TCF7L2: variants seen among roughly 807,000 people sequenced by gnomAD.
The protein encoded by TCF7L2 is transcription factor 7-like 2.
A neutral mutation model predicts 77.9 loss-of-function variants in TCF7L2; 23 were observed. The observed-to-expected ratio is 0.30, with a 90% CI of 0.21 to 0.42. The LOEUF (loss-of-function observed/expected upper bound fraction) is 0.42, where lower values mean the gene tolerates loss of function less well. Ranked by LOEUF, TCF7L2 falls within the 10% of genes least tolerant of loss-of-function variation. TCF7L2 has a pLI of 1.00. For synonymous variants in TCF7L2, 413 were observed against 340.2 expected (o/e 1.21, Z -2.36); for missense variants, 654 against 793.1 (o/e 0.82, Z 2.11).
intron 8 of TCF7L2, among the ~76,000 whole-genome samples, chr10:113,147,937 A>G (rs1045224620): frequency 6.6e-6 from 1 of 152,192 alleles, no homozygotes; most frequent in African/African-American, 2.4e-5. Flanking sequence ...CCGACTCCCC[A>G]GGTAGGCCAA....
chr10:113,052,373 C>G (rs143448004), intron 5 of TCF7L2, among the ~76,000 whole-genome samples: 1 of 152,292 alleles, frequency 6.6e-6, no homozygotes, highest in East Asian at 1.9e-4. Flanking sequence ...AGAGGTGTCA[C>G]AGCTGTCATT....
intron 5 of TCF7L2, among the ~76,000 whole-genome samples, chr10:113,116,172 A>C (rs999464839): frequency 6.6e-6 from 1 of 152,170 alleles, no homozygotes; most frequent in Non-Finnish European, 1.5e-5. Context: ...ATGAAAAATT[A>C]AATTTATCAT....
At chr10:113,008,397 G>A (rs929894502) in intron 4 of TCF7L2, among the ~76,000 whole-genome samples, 9 of 152,142 alleles carry the variant, frequency 5.9e-5, no homozygotes, top group African/African-American at 4.8e-5. Flanking sequence ...TCTGCGTAGC[G>A]GCACTCAGCG....
In TCF7L2 at chr10:113,151,364, T is replaced by C. The variant is rs988537989; in HGVS notation, c.1001+241T>C. Among the ~76,000 whole-genome samples the C allele has an allele frequency of 2.3e-4, 35 of 152,108 alleles. No homozygotes were observed. The highest frequency in any genetic ancestry group is 5.0e-4 in the Non-Finnish European group (34 of 68,032). ...TTTTTGTGTGTGTACTTGGATACAC[T>C]GGGATTTGCAACCACTTCCCTGCCC... On this transcript the variant is annotated intron_variant, in intron 9 of 13. Coordinates refer to ENST00000627217, the MANE Select transcript of TCF7L2 (RefSeq NM_001146274.2). The surrounding 1 kb of genome is among the most constrained non-coding windows in gnomAD (Gnocchi z 5.2).
intron 5 of TCF7L2, among the ~76,000 whole-genome samples, chr10:113,066,599 T>G (rs1218653653): frequency 6.6e-6 from 1 of 152,206 alleles, no homozygotes; most frequent in Non-Finnish European, 1.5e-5. Flanking sequence ...TGTTAAAAGC[T>G]TCCAAACCCA....
chr10:113,113,033 G>A (rs982993000), intron 5 of TCF7L2, among the ~76,000 whole-genome samples: 4 of 152,102 alleles, frequency 2.6e-5, no homozygotes, highest in Admixed American at 6.5e-5. Flanking sequence ...GAGAGTCACC[G>A]TTATCTGAAA....
intron 4 of TCF7L2, among the ~76,000 whole-genome samples, chr10:112,989,660 A>G (rs1275079282): frequency 3.9e-5 from 6 of 152,138 alleles, no homozygotes; most frequent in Non-Finnish European, 4.4e-5. Context: ...GCGCGTTGCT[A>G]TGGTGAGGAT....
At chr10:113,007,265 A>C (rs999763753) in intron 4 of TCF7L2, among the ~76,000 whole-genome samples, 1 of 152,130 alleles carries the variant, frequency 6.6e-6, no homozygotes, top group Non-Finnish European at 1.5e-5. Context: ...TGTTTGAAGC[A>C]CTTGGGTTGT....
At chr10:113,099,361 A>G (rs538971687) in intron 5 of TCF7L2, among the ~76,000 whole-genome samples, 2 of 152,256 alleles carry the variant, frequency 1.3e-5, no homozygotes, top group Admixed American at 6.5e-5. Context: ...TGTAGATTTT[A>G]TTGACCCAAC....
intron 4 of TCF7L2, among the ~76,000 whole-genome samples, chr10:113,024,318 A>T (rs971541332): frequency 3.0e-4 from 45 of 152,018 alleles, no homozygotes; most frequent in African/African-American, 1.1e-3. Flanking sequence ...AAAACAAACA[A>T]ACAAACAAAC....
intron 5 of TCF7L2, among the ~76,000 whole-genome samples, chr10:113,110,711 G>C (rs2063018205): frequency 1.3e-5 from 2 of 152,176 alleles, no homozygotes; most frequent in Admixed American, 6.5e-5. Flanking sequence ...AGTTGTTGTA[G>C]TTTATAAAGC....
intron 5 of TCF7L2, among the ~76,000 whole-genome samples, chr10:113,140,695 G>A (rs1017604653): frequency 5.3e-5 from 8 of 152,228 alleles, no homozygotes; most frequent in East Asian, 1.9e-4. Flanking sequence ...AGGAGCTGTC[G>A]GGGGGTGGCT....
chr10:113,161,178 T>C (rs1468786349), intron 13 of TCF7L2: 1 of 234,896 alleles, frequency 4.3e-6, no homozygotes, highest in Non-Finnish European at 8.2e-6. Context: ...TTTGGTTGTT[T>C]TATGTTTAAA....
At chr10:112,980,506 C>T (rs1305312507) in intron 4 of TCF7L2, among the ~76,000 whole-genome samples, 1 of 152,060 alleles carries the variant, frequency 6.6e-6, no homozygotes. Flanking sequence ...AGGAGTGTTC[C>T]GGGAGTCACG....
chr10:113,002,423 T>C (rs1370376926), intron 4 of TCF7L2, among the ~76,000 whole-genome samples: 3 of 152,264 alleles, frequency 2.0e-5, no homozygotes, highest in Non-Finnish European at 2.9e-5. Flanking sequence ...TGGCATCTCG[T>C]GGGCAGAGGC....
chr10:112,960,304 A>G (rs1458143309), intron 3 of TCF7L2, among the ~76,000 whole-genome samples: 2 of 152,174 alleles, frequency 1.3e-5, no homozygotes, highest in African/African-American at 2.4e-5. Context: ...ATATGATGAT[A>G]ATAAGGGAAG....
intron 3 of TCF7L2, among the ~76,000 whole-genome samples, chr10:112,953,257 C>G (rs1160810162): frequency 1.3e-5 from 2 of 152,158 alleles, no homozygotes; most frequent in African/African-American, 4.8e-5. Flanking sequence ...TATTCCCCCC[C>G]TGCCCGGCGC....
At chr10:113,131,652 A>G (rs1592123402) in intron 5 of TCF7L2, among the ~76,000 whole-genome samples, 1 of 152,222 alleles carries the variant, frequency 6.6e-6, no homozygotes, top group Non-Finnish European at 1.5e-5. Context: ...AGGTATTATG[A>G]TCTCTGTATT....
chr10:113,105,724 GC>G (rs545115466), intron 5 of TCF7L2, among the ~76,000 whole-genome samples: 4 of 152,290 alleles, frequency 2.6e-5, no homozygotes, highest in African/African-American at 9.6e-5. Context: ...TCTGCCAGAA[GC>G]ATCCCGTCCA....
Sources: allele counts gnomAD v4.1 joint callset (sites outside exome capture counted in the v4.1 genomes callset), GRCh38; gene constraint gnomAD v4.1.1; non-coding constraint Gnocchi (gnomAD v3.1); transcripts MANE v1.5; gene names NCBI Gene and HGNC (gene_info 2026-07-23, HGNC 2026-07-21).